The following RAPH1 variants were observed in gnomAD, a reference collection of about 807,000 sequenced individuals.
RAPH1 encodes Ras association (RalGDS/AF-6) and pleckstrin homology domains 1, also known as ras-associated and pleckstrin homology domains-containing protein 1.
Under a neutral mutation model 88.1 loss-of-function variants are expected in RAPH1, and 18 were observed. That is an observed-to-expected ratio of 0.20 (90% confidence interval 0.14 to 0.30). RAPH1 has a LOEUF of 0.30. Ranked by LOEUF, RAPH1 falls within the 10% of genes least tolerant of loss-of-function variation. RAPH1 has a pLI of 1.00. For missense variants in RAPH1, 1,448 were observed against 1,543.2 expected (o/e 0.94, Z 1.03); for synonymous variants, 587 against 559.0 (o/e 1.05, Z -0.71).
At chr2:203,492,984 C>A (rs1581354308) in intron 2 of RAPH1, among the ~76,000 whole-genome samples, 1 of 152,170 alleles carries the variant, frequency 6.6e-6, no homozygotes, top group East Asian at 1.9e-4. Flanking sequence ...AATACCATAC[C>A]ACTGAGTACG....
At chr2:203,453,834 A>G (rs1275846398) in intron 10 of RAPH1, among the ~76,000 whole-genome samples, 1 of 152,172 alleles carries the variant, frequency 6.6e-6, no homozygotes, top group Non-Finnish European at 1.5e-5. Context: ...ATAGATCACT[A>G]TAAATTTGCT....
intron 6 of RAPH1, among the ~76,000 whole-genome samples, chr2:203,460,574 A>G (rs1169599965): frequency 1.3e-5 from 2 of 152,164 alleles, no homozygotes; most frequent in Non-Finnish European, 2.9e-5. Flanking sequence ...TCCCGAGTCA[A>G]ATGCTGGTTT....
chr2:203,513,772 T>C (rs7602486), intron 1 of RAPH1, among the ~76,000 whole-genome samples: 2 of 146,976 alleles, frequency 1.4e-5, no homozygotes, highest in African/African-American at 2.5e-5. Context: ...GAGGTAGAGG[T>C]TGCAGTGAGC....
At chr2:203,484,553 G>A (rs1687878512) in intron 4 of RAPH1, among the ~76,000 whole-genome samples, 1 of 152,204 alleles carries the variant, frequency 6.6e-6, no homozygotes, top group Non-Finnish European at 1.5e-5. Flanking sequence ...AATGGGGGTG[G>A]GAAGATGTGG....
At chr2:203,442,177 G>A (rs2098504868) in intron 13 of RAPH1, 3 of 1,272,856 alleles carry the variant, frequency 2.4e-6, no homozygotes, top group South Asian at 1.7e-5. Context: ...AGGAAGCTCT[G>A]GAAGGCTAGA....
chr2:203,451,371 T>C (rs1387822236), intron 10 of RAPH1, among the ~76,000 whole-genome samples: 1 of 152,126 alleles, frequency 6.6e-6, no homozygotes, highest in African/African-American at 2.4e-5. Flanking sequence ...CGCTCAAAAT[T>C]GCTTCCGATA....
chr2:203,461,810 T>TA (rs555343097), intron 5 of RAPH1, 38 bp downstream of exon 5: 551 of 1,514,978 alleles, frequency 3.6e-4, no homozygotes, highest in Middle Eastern at 1.6e-3. Flanking sequence ...AAAAAACTGA[T>TA]AAAAAAATCC....
intron 4 of RAPH1, among the ~76,000 whole-genome samples, chr2:203,479,752 C>T (rs1011752200): frequency 6.6e-5 from 10 of 151,704 alleles, no homozygotes; most frequent in Admixed American, 5.9e-4. Flanking sequence ...AAAAACAATA[C>T]AAAATAGTAA....
At chr2:203,492,017 T>C (rs1333933484) in intron 2 of RAPH1, among the ~76,000 whole-genome samples, 1 of 152,116 alleles carries the variant, frequency 6.6e-6, no homozygotes, top group Non-Finnish European at 1.5e-5. Context: ...GCGGATCAAC[T>C]GAGGTCAGAA....
intron 6 of RAPH1, 131 bp downstream of exon 6, chr2:203,461,118 A>C (rs535040259): frequency 1.6e-4 from 56 of 350,490 alleles, no homozygotes; most frequent in Admixed American, 3.2e-4. Flanking sequence ...TCCATCCCCC[A>C]AAAAATTAAA....
chr2:203,441,276 TGGA>T lies in RAPH1; in HGVS notation c.1911_1913del (p.Pro648del). On this transcript the variant is annotated inframe_deletion, in exon 14 of 14. Coordinates refer to ENST00000319170, the MANE Select transcript of RAPH1 (RefSeq NM_213589.3). ...GAGGAGGGGGTGGTGGAGGGGGTGG[TGGA>T]GGAGGAGGTGGGGGTGGCGGAGGAG... 2.2e-5 allele frequency: 5 copies of T among 223,576 alleles called. No individual in the cohort carries two copies. Among genetic ancestry groups the T allele is most frequent in the Non-Finnish European group, 3.2e-5 (5 of 157,264 alleles). The allele number at this position is 223,576 out of a possible 1,614,324, so 13.8% of individuals were successfully genotyped here.
At chr2:203,472,046 AAGG>A (rs2098533597) in intron 4 of RAPH1, among the ~76,000 whole-genome samples, 1 of 152,196 alleles carries the variant, frequency 6.6e-6, no homozygotes, top group Non-Finnish European at 1.5e-5. Flanking sequence ...ATGCACAGCC[AAGG>A]AGGAGGGAGG....
intron 1 of RAPH1, among the ~76,000 whole-genome samples, chr2:203,515,905 T>C (rs1260203517): frequency 1.3e-5 from 2 of 152,140 alleles, no homozygotes; most frequent in Non-Finnish European, 2.9e-5. Flanking sequence ...GAAAATGATA[T>C]AGTTAAGACA....
chr2:203,438,503 C>T lies in RAPH1; in HGVS notation c.*934G>A, dbSNP rs1215150853. ...AAGAAGGTAACTGGTGACCCAAAGACATACTGGGACAGAACATTACAGAGA... is the reference window on the plus strand; with the variant it reads ...AAGAAGGTAACTGGTGACCCAAAGATATACTGGGACAGAACATTACAGAGA... On this transcript the variant is annotated 3_prime_UTR_variant, in exon 14 of 14. Coordinates refer to ENST00000319170, the MANE Select transcript of RAPH1 (RefSeq NM_213589.3). 4.1e-6 allele frequency: 1 copy of T among 244,326 alleles called. No homozygotes were observed. The allele number at this position is 244,326 out of a possible 1,614,324, so 15.1% of individuals were successfully genotyped here. A position where few individuals can be genotyped will look rare whatever the true frequency, so the allele number is the denominator to read the frequency against.
chr2:203,488,767 G>C (rs71425998), intron 4 of RAPH1, among the ~76,000 whole-genome samples: 1 of 152,006 alleles, frequency 6.6e-6, no homozygotes, highest in African/African-American at 2.4e-5. Flanking sequence ...GGAAAACTCA[G>C]AATCAAGTTT....
intron 4 of RAPH1, among the ~76,000 whole-genome samples, chr2:203,465,359 G>A (rs751401959): frequency 3.9e-5 from 6 of 152,200 alleles, no homozygotes; most frequent in Admixed American, 2.6e-4. Context: ...AACATTAAGT[G>A]TGTAATACTA....
chr2:203,506,197 T>C (rs959582536), intron 1 of RAPH1, among the ~76,000 whole-genome samples: 19 of 152,266 alleles, frequency 1.2e-4, no homozygotes, highest in African/African-American at 4.6e-4. Flanking sequence ...GGATTAGGTA[T>C]TGAATTATCA....
At chr2:203,454,183 C>T (rs979705213) in intron 10 of RAPH1, among the ~76,000 whole-genome samples, 3 of 152,180 alleles carry the variant, frequency 2.0e-5, no homozygotes, top group Admixed American at 2.0e-4. Flanking sequence ...TAATCAAATA[C>T]ATTTTATATC....
rs566772849 is a variant in RAPH1 at position 203,529,965 on chromosome 2, T to C, written c.-1+5146A>G. ...TCATCTTCTACTGATTCCTCGTATTTTATACCTAAACTGGCATCCTCTCTA... is the reference window on the plus strand; with the variant it reads ...TCATCTTCTACTGATTCCTCGTATTCTATACCTAAACTGGCATCCTCTCTA... On this transcript the variant is annotated intron_variant, in intron 1 of 13. Transcript: ENST00000319170. Among the ~76,000 whole-genome samples, 63 of 152,336 alleles carry C rather than the reference T, an allele frequency of 4.1e-4. 1 individual carries two copies. The South Asian group carries it at 7.3e-3, about 18-fold the overall frequency.
Sources: gnomAD v4.1 joint callset for allele counts (sites outside exome capture counted in the v4.1 genomes callset) on GRCh38, gnomAD v4.1.1 for gene constraint, MANE v1.5 for transcripts, NCBI Gene and HGNC (gene_info 2026-07-23, HGNC 2026-07-21) for gene names.